The following IGF2BP3 variants were observed in gnomAD, a reference collection of about 807,000 sequenced individuals.
The protein encoded by IGF2BP3 is insulin-like growth factor 2 mRNA-binding protein 3.
IGF2BP3 carries 9 observed loss-of-function variants against 73.8 expected under a neutral mutation model. That is an observed-to-expected ratio of 0.12 (90% CI 0.07 to 0.21). IGF2BP3 has a LOEUF of 0.21. IGF2BP3 is among the 10% of genes least tolerant of loss of function. The pLI is 1.00. For synonymous variants in IGF2BP3, 258 were observed against 256.7 expected, an observed-to-expected ratio of 1.01 and a Z score of -0.05; for missense variants, 542 against 714.0, an observed-to-expected ratio of 0.76 and a Z score of 2.75.
At chr7:23,391,229 A>G (rs1288714877) in intron 3 of IGF2BP3, among the ~76,000 whole-genome samples, 1 of 150,828 alleles carries the variant, frequency 6.6e-6, no homozygotes, top group African/African-American at 2.4e-5. Context: ...CCTCCTGAGT[A>G]GCTGGGATTA....
At chr7:23,318,033 C>A (rs1014460716) in intron 11 of IGF2BP3, among the ~76,000 whole-genome samples, 22 of 152,168 alleles carry the variant, frequency 1.4e-4, no homozygotes, top group Admixed American at 5.9e-4. Context: ...ATTGAGTTAT[C>A]TGGACCATGA....
chr7:23,366,825 A>G (rs1333356912), intron 3 of IGF2BP3, among the ~76,000 whole-genome samples: 5 of 152,080 alleles, frequency 3.3e-5, no homozygotes, highest in African/African-American at 1.2e-4. Context: ...CCAACCCCCA[A>G]ATGACTTGAA....
intron 3 of IGF2BP3, among the ~76,000 whole-genome samples, chr7:23,374,952 G>A (rs757090345): frequency 2.0e-5 from 3 of 152,020 alleles, no homozygotes; most frequent in South Asian, 2.1e-4. Flanking sequence ...CGGTCCCCCC[G>A]TTCAGGGTCC....
chr7:23,403,851 G>C (rs545658527), intron 3 of IGF2BP3, among the ~76,000 whole-genome samples: 1 of 152,002 alleles, frequency 6.6e-6, no homozygotes, highest in Non-Finnish European at 1.5e-5. Flanking sequence ...GGCCAGGCAC[G>C]GTGACTCACG....
intron 9 of IGF2BP3, 109 bp downstream of exon 9, chr7:23,343,609 G>A: frequency 9.3e-7 from 1 of 1,079,058 alleles, no homozygotes; most frequent in Admixed American, 1.8e-5. Context: ...AAATCAACTA[G>A]AACTACTTCT....
chr7:23,467,780 G>C (rs1788601729), intron 2 of IGF2BP3: 1 of 152,874 alleles, frequency 6.5e-6, no homozygotes, highest in Non-Finnish European at 1.5e-5. Flanking sequence ...ACATGATCTC[G>C]GAGACGAGAA....
At chr7:23,351,204 T>A in intron 6 of IGF2BP3, 101 bp downstream of exon 6, 4 of 1,303,678 alleles carry the variant, frequency 3.1e-6, no homozygotes, top group Non-Finnish European at 4.3e-6. Flanking sequence ...GGAGTCCTCA[T>A]GGCTGTGTTC....
At chr7:23,446,371 G>A (rs1211603301) in intron 2 of IGF2BP3, among the ~76,000 whole-genome samples, 1 of 152,114 alleles carries the variant, frequency 6.6e-6, no homozygotes, top group Non-Finnish European at 1.5e-5. Flanking sequence ...AGACCAGCCT[G>A]GCCAACATGG....
At chr7:23,392,740 C>T (rs530076395) in intron 3 of IGF2BP3, among the ~76,000 whole-genome samples, 4 of 152,208 alleles carry the variant, frequency 2.6e-5, no homozygotes, top group Non-Finnish European at 4.4e-5. Flanking sequence ...AGGGATACTC[C>T]CACCTCAGCC....
chr7:23,346,806 T>A (rs191904207), intron 7 of IGF2BP3, among the ~76,000 whole-genome samples: 1 of 152,114 alleles, frequency 6.6e-6, no homozygotes, highest in East Asian at 1.9e-4. Context: ...TTGGCCAGGA[T>A]GGTCTTGATC....
intron 5 of IGF2BP3, among the ~76,000 whole-genome samples, chr7:23,358,068 T>C (rs190370323): frequency 6.6e-6 from 1 of 152,372 alleles, no homozygotes; most frequent in East Asian, 1.9e-4. Context: ...TTACAGGTAT[T>C]ATGAAACATG....
intron 2 of IGF2BP3, among the ~76,000 whole-genome samples, chr7:23,431,913 C>T (rs1440763355): frequency 6.6e-6 from 1 of 152,156 alleles, no homozygotes; most frequent in East Asian, 1.9e-4. Context: ...GGCAAAATTA[C>T]TTGTTTTATT....
At chr7:23,332,865 T>A (rs572138668) in intron 10 of IGF2BP3, among the ~76,000 whole-genome samples, 3 of 152,214 alleles carry the variant, frequency 2.0e-5, no homozygotes, top group East Asian at 1.9e-4. Context: ...TTGACCATTT[T>A]AAAAAAAATT....
intron 3 of IGF2BP3, among the ~76,000 whole-genome samples, chr7:23,396,230 CAATT>C (rs1319410993): frequency 2.0e-5 from 3 of 151,862 alleles, no homozygotes; most frequent in Non-Finnish European, 2.9e-5. Context: ...AGTCATAAGA[CAATT>C]AAATATAAAG....
chr7:23,440,299 G>A (rs1337308840), intron 2 of IGF2BP3, among the ~76,000 whole-genome samples: 1 of 151,488 alleles, frequency 6.6e-6, no homozygotes, highest in African/African-American at 2.4e-5. Flanking sequence ...AGCTGGGCAT[G>A]GTGGCACGTG....
rs534084896 is a variant in IGF2BP3 at position 23,373,894 on chromosome 7, G to A, written c.286-12153C>T. Reference sequence around the variant, plus strand: ...CATGAGATCTGGTTGTTTTAAAAGAGGCTGGAACTTCCTTTTCTCTCTTGC... The same window carrying A: ...CATGAGATCTGGTTGTTTTAAAAGAAGCTGGAACTTCCTTTTCTCTCTTGC... On this transcript the variant is annotated intron_variant, in intron 3 of 14. Coordinates refer to ENST00000258729, the MANE Select transcript of IGF2BP3 (RefSeq NM_006547.3). Among the ~76,000 whole-genome samples, 6 of 152,246 alleles carry A rather than the reference G, an allele frequency of 3.9e-5. No homozygotes were observed. The East Asian group carries it at 1.2e-3, about 29-fold the overall frequency.
At chr7:23,344,859 G>C (rs1426803995) in intron 8 of IGF2BP3, among the ~76,000 whole-genome samples, 2 of 152,202 alleles carry the variant, frequency 1.3e-5, no homozygotes, top group East Asian at 3.8e-4. Context: ...TTAAAAAGAA[G>C]TCTATAATTC....
chr7:23,416,367 G>C (rs973565698), intron 3 of IGF2BP3: 1 of 152,084 alleles, frequency 6.6e-6, no homozygotes, highest in Non-Finnish European at 1.5e-5. Flanking sequence ...CTCTGTAACA[G>C]GCCCCTTCCT....
chr7:23,395,603 A>C (rs1231565967), intron 3 of IGF2BP3, among the ~76,000 whole-genome samples: 1 of 146,446 alleles, frequency 6.8e-6, no homozygotes, highest in African/African-American at 2.5e-5. Flanking sequence ...CTCTACCCCC[A>C]CCCCCCCAAA....
Sources: allele counts gnomAD v4.1 joint callset (sites outside exome capture counted in the v4.1 genomes callset), GRCh38; gene constraint gnomAD v4.1.1; transcripts MANE v1.5; gene names NCBI Gene and HGNC (gene_info 2026-07-23, HGNC 2026-07-21).